The following IL1RAPL1 variants were observed in gnomAD, a reference collection of about 807,000 sequenced individuals.
IL1RAPL1 encodes interleukin 1 receptor accessory protein like 1, also known as interleukin-1 receptor accessory protein-like 1.
Under a neutral mutation model 48.4 loss-of-function variants are expected in IL1RAPL1, and 3 were observed. That is an observed-to-expected ratio of 0.06 (90% CI 0.03 to 0.16). IL1RAPL1 has a LOEUF of 0.16. Among genes scored for constraint, IL1RAPL1 ranks in the 10% least tolerant of loss-of-function variants. The pLI, the probability that IL1RAPL1 is intolerant of heterozygous loss-of-function variation, is 1.00. For missense variants in IL1RAPL1, 349 were observed against 530.6 expected (o/e 0.66, Z 3.36); for synonymous variants, 185 against 187.7 (o/e 0.99, Z 0.12).
intron 5 of IL1RAPL1, among the ~76,000 whole-genome samples, chrX:29,606,382 A>G (rs1923893810): frequency 8.9e-6 from 1 of 111,902 alleles, no homozygotes; most frequent in African/African-American, 3.2e-5. Flanking sequence ...ACGTGTTTGT[A>G]GAATAATTTA....
intron 4 of IL1RAPL1, 124 bp downstream of exon 4, chrX:29,396,568 T>C (rs1933921598): frequency 4.9e-6 from 3 of 613,538 alleles, no homozygotes; most frequent in Non-Finnish European, 8.2e-6. Flanking sequence ...TAGAATAATA[T>C]AGCAAGTTGT....
At chrX:29,031,815 A>G (rs1455238791) in intron 2 of IL1RAPL1, among the ~76,000 whole-genome samples, 1 of 111,521 alleles carries the variant, frequency 9.0e-6, no homozygotes, top group Non-Finnish European at 1.9e-5. Context: ...CTTGGCCACA[A>G]GTGACTTTTG....
intron 1 of IL1RAPL1, among the ~76,000 whole-genome samples, chrX:28,623,256 G>A (rs1450105606): frequency 1.8e-5 from 2 of 111,334 alleles, no homozygotes; most frequent in East Asian, 2.8e-4. Flanking sequence ...CCGTTATACT[G>A]TCTGTGCATC....
chrX:29,857,712 G>A (rs945536432), intron 6 of IL1RAPL1, among the ~76,000 whole-genome samples: 2 of 111,505 alleles, frequency 1.8e-5, no homozygotes, highest in Non-Finnish European at 3.8e-5. Flanking sequence ...AATTTAATAT[G>A]AATTTTATTT....
At chrX:29,737,915 C>T (rs1014079924) in intron 6 of IL1RAPL1, among the ~76,000 whole-genome samples, 4 of 112,131 alleles carry the variant, frequency 3.6e-5, no homozygotes, top group African/African-American at 1.3e-4. Context: ...ATACTTCATT[C>T]TATGAAGCCT....
chrX:29,882,130 C>T (rs1265533432), intron 6 of IL1RAPL1, among the ~76,000 whole-genome samples: 1 of 111,775 alleles, frequency 8.9e-6, no homozygotes, highest in East Asian at 2.8e-4. Flanking sequence ...TGAAAATTCT[C>T]ACCAAGAAAC....
intron 6 of IL1RAPL1, among the ~76,000 whole-genome samples, chrX:29,897,299 A>G (rs770458161): frequency 9.1e-6 from 1 of 110,487 alleles, no homozygotes; most frequent in Admixed American, 1.0e-4. Flanking sequence ...AGAAATGACC[A>G]GTTTCTATTT....
chrX:28,661,687 G>A (rs1215727273), intron 1 of IL1RAPL1, among the ~76,000 whole-genome samples: 1 of 111,782 alleles, frequency 8.9e-6, no homozygotes, highest in Admixed American at 9.5e-5. Context: ...AAAAGTGTTA[G>A]TATGCAAAAT....
chrX:28,825,495 C>G (rs2147283334), intron 2 of IL1RAPL1, among the ~76,000 whole-genome samples: 1 of 111,274 alleles, frequency 9.0e-6, no homozygotes, highest in South Asian at 3.7e-4. Context: ...TTTTCAGTAG[C>G]TTTGACAGAT....
intron 6 of IL1RAPL1, among the ~76,000 whole-genome samples, chrX:29,680,470 AT>A (rs1163968101): frequency 2.7e-5 from 3 of 110,140 alleles, no homozygotes; most frequent in Non-Finnish European, 5.7e-5. Context: ...GGTGAGGGGC[AT>A]TGGCTCAGTG....
intron 5 of IL1RAPL1, among the ~76,000 whole-genome samples, chrX:29,554,804 C>T (rs1247449737): frequency 1.8e-5 from 2 of 111,850 alleles, no homozygotes; most frequent in South Asian, 7.5e-4. Flanking sequence ...TGTGAATCTG[C>T]ACTTACTGTA....
chrX:29,239,286 T>G (rs1462222070), intron 2 of IL1RAPL1, among the ~76,000 whole-genome samples: 1 of 112,474 alleles, frequency 8.9e-6, no homozygotes, highest in Non-Finnish European at 1.9e-5. Flanking sequence ...CTTCCTTGCT[T>G]TAAGTACTGC....
intron 6 of IL1RAPL1, among the ~76,000 whole-genome samples, chrX:29,809,510 C>T (rs1930336136): frequency 1.8e-5 from 2 of 111,652 alleles, no homozygotes; most frequent in South Asian, 3.7e-4. Flanking sequence ...CTTTACTCGC[C>T]TTCAGAACAA....
intron 5 of IL1RAPL1, among the ~76,000 whole-genome samples, chrX:29,579,013 G>T (rs953488664): frequency 7.2e-5 from 8 of 111,563 alleles, no homozygotes; most frequent in Non-Finnish European, 1.1e-4. Context: ...TGGACTGGCT[G>T]AGGCTGGGAT....
At chrX:29,561,704 A>G (rs999147206) in intron 5 of IL1RAPL1, among the ~76,000 whole-genome samples, 3 of 111,472 alleles carry the variant, frequency 2.7e-5, no homozygotes, top group African/African-American at 9.8e-5. Context: ...TACCCTCTTC[A>G]AGGTAATCGT....
rs187927776 is a variant in IL1RAPL1, at chrX:29,378,569, T to C, written c.363-17689T>C. Among the ~76,000 whole-genome samples, 5 of 112,380 alleles carry C rather than the reference T, an allele frequency of 4.4e-5. No homozygotes were observed. In the East Asian group the frequency reaches 1.4e-3, roughly 31 times the overall value. On this transcript the variant is annotated intron_variant, in intron 3 of 10. Coordinates refer to ENST00000378993, the MANE Select transcript of IL1RAPL1 (RefSeq NM_014271.4). ...TTTGTTTCTGCGTGTTTTCTGAGGG[T>C]CAAGGTTCTGTATAATGTCTTTATT...
chrX:29,230,504 C>CAGAAAAAAAAA (rs1931170388), intron 2 of IL1RAPL1, among the ~76,000 whole-genome samples: 1 of 16,589 alleles, frequency 6.0e-5, no homozygotes, highest in Admixed American at 1.2e-3. Context: ...GTCCCTTTAC[C>CAGAAAAAAAAA]AAAAAAAAAA....
intron 2 of IL1RAPL1, among the ~76,000 whole-genome samples, chrX:29,022,441 A>G (rs868868828): frequency 1.8e-5 from 2 of 112,170 alleles, no homozygotes; most frequent in Middle Eastern, 4.6e-3. Context: ...TCAAGTCATA[A>G]TGTGTACCAT....
At chrX:29,751,904 C>T (rs1418751281) in intron 6 of IL1RAPL1, among the ~76,000 whole-genome samples, 6 of 106,867 alleles carry the variant, frequency 5.6e-5, no homozygotes, top group Admixed American at 2.0e-4. Flanking sequence ...TGTGCTCCAG[C>T]CTGGACAACA....
Sources: gnomAD v4.1 joint callset for allele counts (sites outside exome capture counted in the v4.1 genomes callset) on GRCh38, gnomAD v4.1.1 for gene constraint, MANE v1.5 for transcripts, NCBI Gene and HGNC (gene_info 2026-07-23, HGNC 2026-07-21) for gene names.